The following ERN1 variants were observed in gnomAD, a reference collection of about 807,000 sequenced individuals.
ERN1 encodes endoplasmic reticulum to nucleus signaling 1.
Under a neutral mutation model 113.1 loss-of-function variants are expected in ERN1, and 39 were observed. That is an observed-to-expected ratio of 0.34 (90% CI 0.27 to 0.45). The LOEUF (loss-of-function observed/expected upper bound fraction) is 0.45. Ranked by LOEUF, ERN1 falls within the 20% of genes least tolerant of loss-of-function variation. The pLI, the probability that ERN1 is intolerant of heterozygous loss-of-function variation, is 1.00. For missense variants in ERN1, 976 were observed against 1,274.8 expected (o/e 0.77, Z 3.57); for synonymous variants, 507 against 515.9 (o/e 0.98, Z 0.23).
intron 5 of ERN1, 98 bp from the exon 6 acceptor site, chr17:64,072,201 C>A (rs1913443201): frequency 7.5e-7 from 1 of 1,335,310 alleles, no homozygotes; most frequent in Non-Finnish European, 1.0e-6. Flanking sequence ...GAGAGATAGA[C>A]CTGAATTTCT....
At chr17:64,127,088 A>C (rs1189477613) in intron 1 of ERN1, among the ~76,000 whole-genome samples, 1 of 152,178 alleles carries the variant, frequency 6.6e-6, no homozygotes, top group Non-Finnish European at 1.5e-5. Flanking sequence ...TCACTGACTA[A>C]ATAAGCACAT....
At chr17:64,107,335 C>A (rs905702177) in intron 1 of ERN1, among the ~76,000 whole-genome samples, 3 of 152,084 alleles carry the variant, frequency 2.0e-5, no homozygotes, top group Admixed American at 6.6e-5. Context: ...TGTTTTGTTT[C>A]TTTGAGACAG....
chr17:64,109,971 G>A (rs534649378), intron 1 of ERN1, among the ~76,000 whole-genome samples: 33 of 152,246 alleles, frequency 2.2e-4, no homozygotes, highest in African/African-American at 6.5e-4. Flanking sequence ...TTTTGGATGA[G>A]ACCAAAATGT....
At chr17:64,100,160 C>T (rs990361523) in intron 1 of ERN1, among the ~76,000 whole-genome samples, 2 of 152,098 alleles carry the variant, frequency 1.3e-5, no homozygotes, top group Non-Finnish European at 2.9e-5. Context: ...ACCACAGGTA[C>T]CTGGGCCTGG....
At chr17:64,066,551 T>A in intron 8 of ERN1, 120 bp downstream of exon 8, 7 of 1,230,642 alleles carry the variant, frequency 5.7e-6, no homozygotes, top group East Asian at 5.0e-5. Flanking sequence ...GCTCTGAATA[T>A]TCCTCATGGC....
At chr17:64,055,487 C>T (rs1017806130) in intron 13 of ERN1, among the ~76,000 whole-genome samples, 188 bp downstream of exon 13, 14 of 152,158 alleles carry the variant, frequency 9.2e-5, no homozygotes, top group African/African-American at 2.9e-4. Flanking sequence ...TCCCAGAAGG[C>T]CCTCTGAAGG....
intron 19 of ERN1, 131 bp from the exon 20 acceptor site, chr17:64,045,613 C>T (rs1912488915): frequency 9.6e-7 from 1 of 1,038,058 alleles, no homozygotes; most frequent in Non-Finnish European, 1.4e-6. Context: ...GCACCCTGCC[C>T]CCTCCCTCCC....
intron 11 of ERN1, among the ~76,000 whole-genome samples, chr17:64,059,525 CT>C (rs986019228): frequency 2.0e-4 from 31 of 152,342 alleles, no homozygotes; most frequent in African/African-American, 7.2e-4. Flanking sequence ...CTTCCACCTC[CT>C]CCACCGGCTC....
intron 12 of ERN1, among the ~76,000 whole-genome samples, chr17:64,056,422 G>A (rs1385756608): frequency 1.3e-5 from 2 of 152,194 alleles, no homozygotes; most frequent in Non-Finnish European, 2.9e-5. Flanking sequence ...AATCCAGAGG[G>A]GCAGGTGAGG....
intron 1 of ERN1, among the ~76,000 whole-genome samples, chr17:64,105,321 C>G (rs1375630725): frequency 6.6e-6 from 1 of 151,966 alleles, no homozygotes; most frequent in African/African-American, 2.4e-5. Context: ...ATTGACCAGT[C>G]TGGTCTTGAA....
chr17:64,044,573 C>T lies in ERN1; in HGVS notation c.2721+287G>A, dbSNP rs978625608. Among the ~76,000 whole-genome samples, 1 of 152,212 alleles carries T rather than the reference C, an allele frequency of 6.6e-6. No individual in the cohort carries two copies. Among genetic ancestry groups the T allele is most frequent in the Non-Finnish European group, 1.5e-5 (1 of 68,040 alleles). On this transcript the variant is annotated intron_variant, in intron 21 of 21. Coordinates refer to ENST00000433197, the MANE Select transcript of ERN1 (RefSeq NM_001433.5). This position sits in a 1 kb window ranked among gnomAD's most constrained non-coding sequence, Gnocchi z 4.1. Reference sequence around the variant, plus strand: ...TATACATGTTTACACACAGTGGCTGCATCAGACAGGGAGAGGGCCCCACAA... The same window carrying T: ...TATACATGTTTACACACAGTGGCTGTATCAGACAGGGAGAGGGCCCCACAA...
chr17:64,073,334 AATTTT>A (rs1168058360), intron 5 of ERN1, among the ~76,000 whole-genome samples: 4 of 134,384 alleles, frequency 3.0e-5, no homozygotes, highest in Non-Finnish European at 6.3e-5. Flanking sequence ...ACACCCAGCA[AATTTT>A]TTTTTTTTTT....
intron 4 of ERN1, among the ~76,000 whole-genome samples, chr17:64,078,120 A>T (rs1913655471): frequency 1.3e-5 from 2 of 152,094 alleles, no homozygotes; most frequent in South Asian, 4.1e-4. Context: ...CAGTTTTCCA[A>T]ATCACTTGTG....
chr17:64,099,730 C>A lies in ERN1; in HGVS notation c.55-1489G>T, dbSNP rs182890578. Among the ~76,000 whole-genome samples the A allele has an allele frequency of 8.3e-3, 1,258 of 152,290 alleles. 11 individuals carry two copies. The highest frequency in any genetic ancestry group is 0.01 in the Non-Finnish European group (689 of 68,020). On this transcript the variant is annotated intron_variant, in intron 1 of 21. Transcript: ENST00000433197. The stretch of plus-strand genomic sequence containing the variant: ...AGTTAATCCTTCAAAGGGAAGGCCC[C>A]ACAGGCTCTCTCTGGGGCAGCCTGA...
At position 64,054,103 on chromosome 17, in the gene ERN1, C is replaced by T. The variant is rs1912775602; in HGVS notation, c.1953+147G>A. The T allele has an allele frequency of 1.5e-6, 1 of 676,174 alleles. No individual in the cohort carries two copies. Among genetic ancestry groups the T allele is most frequent in the Non-Finnish European group, 2.4e-6 (1 of 414,934 alleles). 41.9% of individuals were successfully genotyped at this position (676,174 alleles called of 1,614,324 possible). ...TACAGGAACACATCGCTAGGCCTGGCTAATTTTTGGTTTCTTTGTAGAGAT... is the reference window on the plus strand; with the variant it reads ...TACAGGAACACATCGCTAGGCCTGGTTAATTTTTGGTTTCTTTGTAGAGAT... On this transcript the variant is annotated intron_variant, in intron 15 of 21. Coordinates refer to ENST00000433197, the MANE Select transcript of ERN1 (RefSeq NM_001433.5). This position sits in a 1 kb window ranked among gnomAD's most constrained non-coding sequence, Gnocchi z 4.9.
Position 64,054,226 on chromosome 17 carries a change from A to C in ERN1, c.1953+24T>G. 6.3e-7 allele frequency: 1 copy of C among 1,580,690 alleles called. No homozygotes were observed. The highest frequency in any genetic ancestry group is 8.6e-7 in the Non-Finnish European group (1 of 1,161,406). ...AAGTGCTATGACTTTAATAAAGTTA[A>C]CAAAATAAAAAAAATAAATCCACCT... is the stretch of plus-strand genomic sequence containing the variant. On this transcript the variant is annotated intron_variant, in intron 15 of 21. Coordinates refer to ENST00000433197, the MANE Select transcript of ERN1 (RefSeq NM_001433.5). This position sits in a 1 kb window ranked among gnomAD's most constrained non-coding sequence, Gnocchi z 4.9.
At chr17:64,062,973 C>T (rs1913099660) in intron 10 of ERN1, among the ~76,000 whole-genome samples, 1 of 146,692 alleles carries the variant, frequency 6.8e-6, no homozygotes, top group East Asian at 1.9e-4. Context: ...TACCTGGTTA[C>T]ACACATCCCC....
At position 64,039,359 on chromosome 17, in the gene ERN1, T is replaced by A. The variant is rs1165962991; in HGVS notation, c.*4629A>T. ...GGATTTTGGGTTCCACAAAGAAGAC[T>A]GTATCACACAATTAACACGTACTAA... On this transcript the variant is annotated 3_prime_UTR_variant, in exon 22 of 22. Coordinates refer to ENST00000433197, the MANE Select transcript of ERN1 (RefSeq NM_001433.5). 2 of 152,220 alleles carry A rather than the reference T, an allele frequency of 1.3e-5. No individual in the cohort carries two copies. The highest frequency in any genetic ancestry group is 4.8e-5 in the African/African-American group (2 of 41,446). The allele number at this position is 152,220 out of a possible 1,614,324, so 9.4% of individuals were successfully genotyped here. A position where few individuals can be genotyped will look rare whatever the true frequency, so the allele number is the denominator to read the frequency against.
intron 1 of ERN1, among the ~76,000 whole-genome samples, chr17:64,112,883 C>T (rs1160027878): frequency 1.3e-5 from 2 of 152,198 alleles, no homozygotes; most frequent in African/African-American, 2.4e-5. Flanking sequence ...TGGTGTGAGG[C>T]TCACACTGTC....
Sources: allele counts gnomAD v4.1 joint callset (sites outside exome capture counted in the v4.1 genomes callset), GRCh38; gene constraint gnomAD v4.1.1; non-coding constraint Gnocchi (gnomAD v3.1); transcripts MANE v1.5; gene names NCBI Gene and HGNC (gene_info 2026-07-23, HGNC 2026-07-21).